Variants in DDAH1 observed in about 807,000 individuals in gnomAD.
DDAH1 encodes dimethylarginine dimethylaminohydrolase 1, also known as N(G),N(G)-dimethylarginine dimethylaminohydrolase 1.
A neutral mutation model predicts 28.8 loss-of-function variants in DDAH1; 19 were observed. The ratio of observed to expected loss-of-function variants is 0.66; its 90% CI spans 0.46 to 0.97. DDAH1 has a LOEUF of 0.97. Ranked by LOEUF, DDAH1 falls within the 50% of genes least tolerant of loss-of-function variation. DDAH1 has a pLI of 0.00. For synonymous variants in DDAH1, 153 were observed against 154.4 expected (o/e 0.99, Z 0.07); for missense variants, 326 against 375.9 (o/e 0.87, Z 1.10).
intron 1 of DDAH1, among the ~76,000 whole-genome samples, chr1:85,430,087 G>A (rs984595574): frequency 6.6e-6 from 1 of 152,156 alleles, no homozygotes; most frequent in Non-Finnish European, 1.5e-5. Flanking sequence ...AAGGTGTAAG[G>A]AAGGGACCCA....
intron 1 of DDAH1, among the ~76,000 whole-genome samples, chr1:85,534,655 A>T (rs1658212061): frequency 6.6e-6 from 1 of 151,948 alleles, no homozygotes. Context: ...GAGTAAAATC[A>T]CAAACACGTT....
intron 4 of DDAH1, among the ~76,000 whole-genome samples, chr1:85,345,190 ATATT>A (rs1648766392): frequency 6.6e-6 from 1 of 152,114 alleles, no homozygotes; most frequent in Admixed American, 6.5e-5. Flanking sequence ...AAAGAATAGA[ATATT>A]TATTCTTTGG....
chr1:85,570,517 C>A (rs1385889645), intron 1 of DDAH1, among the ~76,000 whole-genome samples: 1 of 152,178 alleles, frequency 6.6e-6, no homozygotes, highest in East Asian at 1.9e-4. Context: ...CAACTCCCAA[C>A]CATTTTTTAA....
At chr1:85,449,421 T>C (rs979333177) in intron 1 of DDAH1, among the ~76,000 whole-genome samples, 1 of 152,108 alleles carries the variant, frequency 6.6e-6, no homozygotes, top group Admixed American at 6.5e-5. Flanking sequence ...ACCAAGGCAC[T>C]ACCTGAGCAT....
intron 1 of DDAH1, among the ~76,000 whole-genome samples, chr1:85,433,966 A>C (rs995122743): frequency 6.6e-6 from 1 of 152,156 alleles, no homozygotes; most frequent in Non-Finnish European, 1.5e-5. Context: ...TGTAGGATTC[A>C]AAAAAATAAT....
chr1:85,567,605 C>T (rs1570681851), intron 1 of DDAH1, among the ~76,000 whole-genome samples: 2 of 152,018 alleles, frequency 1.3e-5, no homozygotes, highest in Admixed American at 6.6e-5. Context: ...TTATCAGCAG[C>T]GTGAAAACAG....
At chr1:85,519,938 A>G (rs1330524988) in intron 1 of DDAH1, among the ~76,000 whole-genome samples, 1 of 151,932 alleles carries the variant, frequency 6.6e-6, no homozygotes, top group Non-Finnish European at 1.5e-5. Flanking sequence ...AAGGATATCA[A>G]CTATATTTGT....
intron 1 of DDAH1, among the ~76,000 whole-genome samples, chr1:85,498,736 T>C (rs1656686786): frequency 6.6e-6 from 1 of 152,098 alleles, no homozygotes; most frequent in South Asian, 2.1e-4. Flanking sequence ...CTGGACAACG[T>C]GGTGAAACCC....
At chr1:85,445,904 T>C (rs1304241283) in intron 1 of DDAH1, among the ~76,000 whole-genome samples, 3 of 152,200 alleles carry the variant, frequency 2.0e-5, no homozygotes, top group African/African-American at 7.2e-5. Flanking sequence ...CTTGACTTCA[T>C]GTTACATTTT....
chr1:85,392,657 G>A (rs1282998713), intron 1 of DDAH1, among the ~76,000 whole-genome samples: 1 of 151,890 alleles, frequency 6.6e-6, no homozygotes, highest in Non-Finnish European at 1.5e-5. Context: ...GCTGGGCGTG[G>A]TGGCATGTGC....
Position 85,350,510 on chromosome 1 carries a change from C to G in DDAH1, c.502G>C (p.Val168Leu). Reference protein sequence around the residue: ...FKDYAVSTVPVADGLHLKSFC... With the variant: ...FKDYAVSTVPLADGLHLKSFC... ...CTCTTCAAATGCAACCCATCTGCCA[C>G]TGGCACTGTGGAGACTGCATAGTCC... is the stretch of plus-strand genomic sequence containing the variant. Residue 168 changes from valine to leucine, a missense_variant, in exon 4 of 6, where the codon GTG (valine) becomes CTG (leucine). Transcript: ENST00000284031. 1 of 1,614,146 alleles carries G rather than the reference C, an allele frequency of 6.2e-7. No homozygotes were observed. Among genetic ancestry groups the G allele is most frequent in the Non-Finnish European group, 8.5e-7 (1 of 1,179,988 alleles).
intron 1 of DDAH1, among the ~76,000 whole-genome samples, chr1:85,497,215 A>C (rs548526197): frequency 6.6e-6 from 1 of 152,318 alleles, no homozygotes; most frequent in African/African-American, 2.4e-5. Flanking sequence ...GATTTATTTA[A>C]ATAAAAGGTG....
At chr1:85,569,660 T>C (rs1262862170) in intron 1 of DDAH1, among the ~76,000 whole-genome samples, 2 of 152,196 alleles carry the variant, frequency 1.3e-5, no homozygotes, top group African/African-American at 4.8e-5. Context: ...AAAAAGCATT[T>C]GCAGGATGGC....
chr1:85,533,312 C>T (rs1242217626), intron 1 of DDAH1, among the ~76,000 whole-genome samples: 44 of 152,066 alleles, frequency 2.9e-4, no homozygotes, highest in Non-Finnish European at 4.9e-4. Context: ...ATCAAAATTG[C>T]GTTAAGAAAG....
chr1:85,491,286 TG>T (rs1656394484), intron 2 of DDAH1, among the ~76,000 whole-genome samples: 1 of 152,136 alleles, frequency 6.6e-6, no homozygotes, highest in Non-Finnish European at 1.5e-5. Context: ...TAACATGTCG[TG>T]TGCTCTTAAT....
At chr1:85,347,650 G>T (rs1009772119) in intron 4 of DDAH1, among the ~76,000 whole-genome samples, 12 of 152,198 alleles carry the variant, frequency 7.9e-5, no homozygotes, top group Middle Eastern at 3.4e-3. Flanking sequence ...AGCATTGGGA[G>T]ATATACCTAA....
chr1:85,503,874 G>T (rs1656914853), intron 1 of DDAH1, among the ~76,000 whole-genome samples: 1 of 152,172 alleles, frequency 6.6e-6, no homozygotes, highest in South Asian at 2.1e-4. Context: ...GGTCAGTCTA[G>T]GGAGGGAGAA....
rs570389903 is a variant in DDAH1 at position 85,574,093 on chromosome 1, C to CT, written c.-123+3890dup. 6.0e-4 allele frequency among the ~76,000 whole-genome samples: 91 copies of CT among 152,318 alleles called. 3 individuals are homozygous for CT. The South Asian group carries it at 0.019, about 32-fold the overall frequency. ...ATAAAAATTCAGATCTCTAGTATCT[C>CT]TTTTTAAAATGAGAAAATATGCAAA... On this transcript the variant is annotated intron_variant, in intron 1 of 6. Coordinates refer to the DDAH1 transcript ENST00000426972.
At chr1:85,489,295 A>G (rs961223792) in intron 2 of DDAH1, among the ~76,000 whole-genome samples, 1 of 152,226 alleles carries the variant, frequency 6.6e-6, no homozygotes, top group Non-Finnish European at 1.5e-5. Flanking sequence ...AGCCTGAACT[A>G]TCACTACCTG....
Sources: allele counts gnomAD v4.1 joint callset (sites outside exome capture counted in the v4.1 genomes callset), GRCh38; gene constraint gnomAD v4.1.1; transcripts MANE v1.5; gene names NCBI Gene and HGNC (gene_info 2026-07-23, HGNC 2026-07-21).